KLHL15: variants seen among roughly 807,000 people sequenced by gnomAD.
KLHL15 encodes kelch-like protein 15.
KLHL15 carries 1 observed loss-of-function variant against 29.3 expected under a neutral mutation model. The ratio of observed to expected loss-of-function variants is 0.03; its 90% CI spans 0.01 to 0.16. KLHL15 has a LOEUF of 0.16. Among genes scored for constraint, KLHL15 ranks in the 10% least tolerant of loss-of-function variants. The probability of loss-of-function intolerance (pLI) is 1.00; values close to 1 mark genes in which losing one functional copy is unlikely to be tolerated. For synonymous variants in KLHL15, 212 were observed against 184.5 expected (o/e 1.15, Z -1.21); for missense variants, 215 against 478.5 (o/e 0.45, Z 5.14).
At position 23,988,764 on chromosome X, in the gene KLHL15, G is replaced by T. The variant is rs144704626; in HGVS notation, c.972C>A (p.Ile324=). The T allele has an allele frequency of 8.3e-7, 1 of 1,211,807 alleles. No homozygotes were observed. Among genetic ancestry groups the T allele is most frequent in the Non-Finnish European group, 1.1e-6 (1 of 895,576 alleles). ...QVPLRPDCLA[I]VNNFVFLLGG... is the part of the protein sequence containing the mutation. ...CTAACAGGAACACAAAATTATTGAC[G>T]ATAGCAAGGCAGTCAGGTCGCAGAG... The change falls in exon 4 of 4, where the codon ATC becomes ATA. Residue 324 remains isoleucine, a synonymous_variant. Coordinates refer to ENST00000328046, the MANE Select transcript of KLHL15 (RefSeq NM_030624.3).
At chrX:24,013,870 AC>A (rs993337160) in intron 2 of KLHL15, among the ~76,000 whole-genome samples, 1 of 110,721 alleles carries the variant, frequency 9.0e-6, no homozygotes, top group African/African-American at 3.3e-5. Flanking sequence ...ATAGAAAAAA[AC>A]AATTAGAATT....
chrX:23,988,983 T>C lies in KLHL15; in HGVS notation c.753A>G (p.Glu251=). The C allele has an allele frequency of 8.3e-7, 1 of 1,210,050 alleles. No individual in the cohort carries two copies. Among genetic ancestry groups the C allele is most frequent in the Non-Finnish European group, 1.1e-6 (1 of 894,354 alleles). ...GAAAGTAATTCAATGCTTGGTCAAC[T>C]TCGTAACGGAGCTGTCGGGAGTATC... ...FYRYSRQLRY[E]VDQALNYFQN... is the part of the protein sequence containing the mutation. The change falls in exon 4 of 4, where the codon GAA becomes GAG. Residue 251 remains glutamate (E), a synonymous_variant. Coordinates refer to ENST00000328046, the MANE Select transcript of KLHL15 (RefSeq NM_030624.3).
intron 2 of KLHL15, among the ~76,000 whole-genome samples, chrX:24,022,290 G>A (rs1230162919): frequency 9.7e-6 from 1 of 103,027 alleles, no homozygotes; most frequent in Non-Finnish European, 2.0e-5. Context: ...AGCCGAGATC[G>A]CGCCACTGCA....
At chrX:24,007,900 A>T (rs1602009722) in intron 2 of KLHL15, among the ~76,000 whole-genome samples, 1 of 106,877 alleles carries the variant, frequency 9.4e-6, no homozygotes, top group Non-Finnish European at 1.9e-5. Flanking sequence ...TTATTTTTAC[A>T]AAGAATATTT....
In KLHL15 at chrX:24,005,942, C is replaced by G. The variant is rs201253007; in HGVS notation, c.705+47G>C. The G allele has an allele frequency of 4.6e-5, 45 of 968,913 alleles. No homozygotes were observed. The East Asian group carries it at 1.4e-3, about 29-fold the overall frequency. 79.8% of individuals were successfully genotyped at this position (968,913 alleles called of 1,213,427 possible). On this transcript the variant is annotated intron_variant, in intron 3 of 3. Coordinates refer to ENST00000328046, the MANE Select transcript of KLHL15 (RefSeq NM_030624.3). Reference sequence around the variant, plus strand: ...ATCTTATCTATAAAGACATACACTGCCTTAACTAAATGATGAGTACTGTCT... The same window carrying G: ...ATCTTATCTATAAAGACATACACTGGCTTAACTAAATGATGAGTACTGTCT...
At chrX:24,008,593 A>G (rs917026716) in intron 2 of KLHL15, among the ~76,000 whole-genome samples, 1 of 110,331 alleles carries the variant, frequency 9.1e-6, no homozygotes, top group Non-Finnish European at 1.9e-5. Flanking sequence ...TCCTTTTCAC[A>G]TACCCCCACC....
chrX:24,007,507 AAATATATATATAT>A (rs1206377240), intron 2 of KLHL15, among the ~76,000 whole-genome samples: 1 of 51,898 alleles, frequency 1.9e-5, no homozygotes, highest in Non-Finnish European at 3.2e-5. Flanking sequence ...AAAAAAAAAA[AAATATATATATAT>A]ATATATATAT....
At chrX:23,998,015 G>A (rs1929229817) in intron 3 of KLHL15, among the ~76,000 whole-genome samples, 1 of 111,046 alleles carries the variant, frequency 9.0e-6, no homozygotes, top group Admixed American at 9.6e-5. Flanking sequence ...AGGCTGGAGT[G>A]CAGTGGCACA....
intron 3 of KLHL15, among the ~76,000 whole-genome samples, chrX:24,004,002 G>A (rs1390045436): frequency 9.5e-6 from 1 of 104,894 alleles, no homozygotes; most frequent in African/African-American, 3.5e-5. Flanking sequence ...CACCTAAGGA[G>A]AAAATCCAGT....
intron 1 of KLHL15, among the ~76,000 whole-genome samples, chrX:24,025,332 T>G (rs1187604474): frequency 5.6e-5 from 4 of 71,613 alleles, no homozygotes; most frequent in Non-Finnish European, 8.4e-5. Context: ...ACGCCGGGGG[T>G]GGAGGAAGGC....
intron 1 of KLHL15, among the ~76,000 whole-genome samples, chrX:24,026,384 T>G (rs968966987): frequency 1.2e-4 from 13 of 112,490 alleles, no homozygotes; most frequent in African/African-American, 3.9e-4. Flanking sequence ...AATATTACCT[T>G]TTCTTGACAA....
At chrX:24,014,547 A>G (rs1929637837) in intron 2 of KLHL15, among the ~76,000 whole-genome samples, 1 of 111,756 alleles carries the variant, frequency 8.9e-6, no homozygotes, top group African/African-American at 3.2e-5. Flanking sequence ...AAACACAACA[A>G]TTAAGGTTCC....
intron 2 of KLHL15, among the ~76,000 whole-genome samples, chrX:24,010,003 A>G (rs1291371695): frequency 1.8e-5 from 2 of 108,865 alleles, no homozygotes; most frequent in Non-Finnish European, 3.8e-5. Flanking sequence ...AAAAAAAAAA[A>G]AAAAAGACTT....
intron 3 of KLHL15, among the ~76,000 whole-genome samples, chrX:23,997,810 G>GCCTCA (rs1198327954): frequency 1.5e-3 from 159 of 104,742 alleles, no homozygotes; most frequent in African/African-American, 5.2e-3. Context: ...TAAGTGCCAT[G>GCCTCA]GCTCATGCCT....
chrX:24,005,403 A>G (rs1010482519), intron 3 of KLHL15, among the ~76,000 whole-genome samples: 1 of 112,246 alleles, frequency 8.9e-6, no homozygotes, highest in South Asian at 3.7e-4. Flanking sequence ...GACATATAAC[A>G]TGTTTTCATT....
chrX:24,009,765 G>C (rs1231611346), intron 2 of KLHL15, among the ~76,000 whole-genome samples: 1 of 106,270 alleles, frequency 9.4e-6, no homozygotes, highest in Non-Finnish European at 1.9e-5. Context: ...TGAGGAGGGT[G>C]TATCACCTGA....
At chrX:24,003,860 C>A (rs1003282750) in intron 3 of KLHL15, among the ~76,000 whole-genome samples, 1 of 105,657 alleles carries the variant, frequency 9.5e-6, no homozygotes, top group East Asian at 3.0e-4. Flanking sequence ...GGCCGAGGCA[C>A]GAGGATCACT....
At chrX:24,004,448 T>C (rs1356675275) in intron 3 of KLHL15, among the ~76,000 whole-genome samples, 1 of 111,632 alleles carries the variant, frequency 9.0e-6, no homozygotes, top group Non-Finnish European at 1.9e-5. Context: ...CAGAGACAAA[T>C]GATTTACATA....
chrX:24,022,722 G>GT (rs530143102), intron 2 of KLHL15, among the ~76,000 whole-genome samples: 1,227 of 99,705 alleles, frequency 0.012, 20 homozygotes, highest in African/African-American at 0.037. Context: ...CTGTTTCGCG[G>GT]TTTTTTTTTT....
Sources: allele counts gnomAD v4.1 joint callset (sites outside exome capture counted in the v4.1 genomes callset), GRCh38; gene constraint gnomAD v4.1.1; transcripts MANE v1.5; gene names NCBI Gene and HGNC (gene_info 2026-07-23, HGNC 2026-07-21).